The following CTSO variants were observed in gnomAD, a reference collection of about 807,000 sequenced individuals.
The protein encoded by CTSO is cathepsin O.
In CTSO, 40 loss-of-function variants were observed where a neutral mutation model predicts 42.4. The observed-to-expected ratio is 0.94, with a 90% CI of 0.73 to 1.23. The LOEUF (loss-of-function observed/expected upper bound fraction) is 1.23, where lower values mean the gene tolerates loss of function less well. Ranked by LOEUF, CTSO falls within the 50% of genes most tolerant of loss-of-function variation. CTSO has a pLI of 0.00. For missense variants in CTSO, 441 were observed against 396.0 expected (o/e 1.11, Z -0.96); for synonymous variants, 156 against 146.2 (o/e 1.07, Z -0.48).
intron 6 of CTSO, 61 bp from the exon 7 acceptor site, chr4:155,928,489 G>A: frequency 8.3e-7 from 1 of 1,205,188 alleles, no homozygotes; most frequent in Non-Finnish European, 1.2e-6. Context: ...GAATGTTTAA[G>A]TTTCTTTATT....
intron 7 of CTSO, among the ~76,000 whole-genome samples, chr4:155,928,022 C>T (rs768035771): frequency 5.3e-5 from 8 of 151,994 alleles, no homozygotes; most frequent in Non-Finnish European, 7.4e-5. Context: ...AACAAGAAGA[C>T]ATTTCTGCAG....
chr4:155,930,043 G>A (rs1743208141), intron 5 of CTSO, among the ~76,000 whole-genome samples: 1 of 152,204 alleles, frequency 6.6e-6, no homozygotes, highest in Admixed American at 6.5e-5. Context: ...CTGTTGAGAA[G>A]ACTTCCCAGA....
chr4:155,933,185 G>C (rs1471882690), intron 5 of CTSO, among the ~76,000 whole-genome samples: 1 of 152,096 alleles, frequency 6.6e-6, no homozygotes, highest in Non-Finnish European at 1.5e-5. Context: ...GGAGGTAATT[G>C]AATCATGGGG....
At chr4:155,947,298 T>C (rs1743565381) in intron 1 of CTSO, among the ~76,000 whole-genome samples, 1 of 152,210 alleles carries the variant, frequency 6.6e-6, no homozygotes, top group South Asian at 2.1e-4. Context: ...TGAAATAAAA[T>C]AATAATTGGA....
At chr4:155,936,986 G>T (rs1293291753) in intron 5 of CTSO, among the ~76,000 whole-genome samples, 1 of 152,136 alleles carries the variant, frequency 6.6e-6, no homozygotes, top group East Asian at 1.9e-4. Context: ...TCACCATTAA[G>T]ATTGAAATAT....
In CTSO at chr4:155,953,851, G is replaced by A. The variant is rs1445196238; in HGVS notation, c.-4C>T. ...ACGGCAGCGCCCGCACGTCCATTGC[G>A]GCGCCCGGCTCCTCTGCCGCCCGCG... On this transcript the variant is annotated 5_prime_UTR_variant, in exon 1 of 8. Transcript: ENST00000433477. 3.9e-6 allele frequency: 5 copies of A among 1,277,212 alleles called. No homozygotes were observed. The highest frequency in any genetic ancestry group is 4.1e-5 in the Admixed American group (1 of 24,332). 79.1% of individuals were successfully genotyped at this position (1,277,212 alleles called of 1,614,324 possible).
At chr4:155,939,986 T>C (rs1369650245) in intron 3 of CTSO, among the ~76,000 whole-genome samples, 1 of 152,120 alleles carries the variant, frequency 6.6e-6, no homozygotes, top group Non-Finnish European at 1.5e-5. Flanking sequence ...ACTTCCATCC[T>C]AAGGGTGAGG....
At chr4:155,939,636 A>G in intron 3 of CTSO, 98 bp from the exon 4 acceptor site, 1 of 1,121,968 alleles carries the variant, frequency 8.9e-7, no homozygotes, top group South Asian at 2.1e-5. Context: ...TAAGGCTTCC[A>G]GATTCTGGAA....
At chr4:155,933,802 G>C (rs1743280644) in intron 5 of CTSO, among the ~76,000 whole-genome samples, 1 of 152,156 alleles carries the variant, frequency 6.6e-6, no homozygotes, top group South Asian at 2.1e-4. Context: ...AGGGTATCTG[G>C]CGGAAGAAAT....
intron 2 of CTSO, 37 bp downstream of exon 2, chr4:155,943,119 A>G: frequency 8.1e-7 from 1 of 1,236,246 alleles, no homozygotes; most frequent in South Asian, 1.3e-5. Flanking sequence ...GCAAATTAAA[A>G]TCAGGAAACC....
intron 5 of CTSO, among the ~76,000 whole-genome samples, chr4:155,935,915 C>G (rs1041232292): frequency 1.3e-5 from 2 of 152,142 alleles, no homozygotes; most frequent in Non-Finnish European, 2.9e-5. Context: ...ATCAAAGGCC[C>G]AATGCCAACA....
intron 1 of CTSO, 78 bp downstream of exon 1, chr4:155,953,635 G>T (rs1003476298): frequency 1.4e-5 from 17 of 1,227,702 alleles, no homozygotes; most frequent in Non-Finnish European, 1.6e-5. Flanking sequence ...AGCTCTCGGG[G>T]GCCCTCTTCC....
intron 1 of CTSO, among the ~76,000 whole-genome samples, chr4:155,950,236 C>T (rs1269307946): frequency 6.6e-6 from 1 of 152,116 alleles, no homozygotes; most frequent in African/African-American, 2.4e-5. Context: ...TAAGTCTTTA[C>T]ATTCTTTTTA....
intron 7 of CTSO, among the ~76,000 whole-genome samples, chr4:155,927,788 T>G (rs1246026157): frequency 6.6e-6 from 1 of 151,172 alleles, no homozygotes; most frequent in Non-Finnish European, 1.5e-5. Flanking sequence ...AAAAAAAAAG[T>G]TGTCACTCAA....
In CTSO at chr4:155,942,416, G is replaced by A; in HGVS notation, c.285C>T (p.Tyr95=). The change falls in exon 3 of 8, where the codon TAC becomes TAT. Residue 95 remains tyrosine, a synonymous_variant. Transcript: ENST00000433477. ...LRSKPSKFPR[Y]SAEVHMSIPN... Reference sequence around the variant, plus strand: ...GGATGGACATATGTACTTCTGCTGAGTATCTGGGAAACTTGGAAGGTTTGC... The same window carrying A: ...GGATGGACATATGTACTTCTGCTGAATATCTGGGAAACTTGGAAGGTTTGC... The A allele has an allele frequency of 6.4e-7, 1 of 1,569,144 alleles. No individual in the cohort carries two copies. Among genetic ancestry groups the A allele is most frequent in the Non-Finnish European group, 8.6e-7 (1 of 1,159,018 alleles).
intron 1 of CTSO, among the ~76,000 whole-genome samples, chr4:155,953,376 A>C (rs7670442): frequency 0.95 from 144,124 of 152,198 alleles, 68,478 homozygotes; most frequent in East Asian, 1. Flanking sequence ...TGGCAACGAT[A>C]GAGGGGATTG....
Position 155,942,436 on chromosome 4 carries a change from G to A in CTSO, c.265C>T (p.Pro89Ser). The stretch of plus-strand genomic sequence containing the variant: ...GCTGAGTATCTGGGAAACTTGGAAG[G>A]TTTGCTTCTTAAATAAATGGCTGAG... ...EFKAIYLRSK[P>S]SKFPRYSAEV... Residue 89 changes from proline (P) to serine (S), a missense_variant, in exon 3 of 8, where the codon CCT becomes TCT. Coordinates refer to ENST00000433477, the MANE Select transcript of CTSO (RefSeq NM_001334.3). 6.5e-7 allele frequency: 1 copy of A among 1,538,596 alleles called. No individual in the cohort carries two copies. The highest frequency in any genetic ancestry group is 8.7e-7 in the Non-Finnish European group (1 of 1,143,614).
rs547635263 is a variant in CTSO, at chr4:155,938,613, G to C, written c.552+758C>G. 1.4e-3 allele frequency among the ~76,000 whole-genome samples: 217 copies of C among 152,000 alleles called. 1 individual carries two copies. The highest frequency in any genetic ancestry group is 4.0e-3 in the African/African-American group (164 of 41,462). On this transcript the variant is annotated intron_variant, in intron 4 of 7. Coordinates refer to ENST00000433477, the MANE Select transcript of CTSO (RefSeq NM_001334.3). ...TTGACAAAATGATCTCACTTCTCAGGCTTCATTTCTTCATCTATAAAAAGA... is the reference window on the plus strand; with the variant it reads ...TTGACAAAATGATCTCACTTCTCAGCCTTCATTTCTTCATCTATAAAAAGA...
At chr4:155,929,321 CTGTG>C (rs1054509685) in intron 6 of CTSO, among the ~76,000 whole-genome samples, 4 of 152,192 alleles carry the variant, frequency 2.6e-5, no homozygotes, top group Non-Finnish European at 4.4e-5. Context: ...CTCTATATTT[CTGTG>C]TGTGTGTCTT....
Sources: allele counts gnomAD v4.1 joint callset (sites outside exome capture counted in the v4.1 genomes callset), GRCh38; gene constraint gnomAD v4.1.1; transcripts MANE v1.5; gene names NCBI Gene and HGNC (gene_info 2026-07-23, HGNC 2026-07-21).